The following KCNIP4 variants were observed in gnomAD, a reference collection of about 807,000 sequenced individuals.
The protein encoded by KCNIP4 is potassium voltage-gated channel interacting protein 4.
Under a neutral mutation model 34.0 loss-of-function variants are expected in KCNIP4, and 12 were observed. That is an observed-to-expected ratio of 0.35 (90% CI 0.23 to 0.57). KCNIP4 has a LOEUF of 0.57. Ranked by LOEUF, KCNIP4 falls within the 20% of genes least tolerant of loss-of-function variation. The pLI, the probability that KCNIP4 is intolerant of heterozygous loss-of-function variation, is 0.83. For missense variants in KCNIP4, 238 were observed against 311.7 expected, an observed-to-expected ratio of 0.76 and a Z score of 1.78; for synonymous variants, 124 against 102.2, an observed-to-expected ratio of 1.21 and a Z score of -1.29.
At chr4:21,086,121 A>T (rs1017423835) in intron 1 of KCNIP4, among the ~76,000 whole-genome samples, 1 of 152,118 alleles carries the variant, frequency 6.6e-6, no homozygotes, top group East Asian at 1.9e-4. Flanking sequence ...TCCCTGCATG[A>T]CCTCATGGAA....
intron 1 of KCNIP4, among the ~76,000 whole-genome samples, chr4:21,494,315 G>A (rs549540625): frequency 6.6e-6 from 1 of 151,778 alleles, no homozygotes; most frequent in Non-Finnish European, 1.5e-5. Flanking sequence ...GATTGACTTA[G>A]AAAATTTAAA....
chr4:21,780,255 A>G (rs1004570752), intron 1 of KCNIP4, among the ~76,000 whole-genome samples: 3 of 152,192 alleles, frequency 2.0e-5, no homozygotes, highest in Non-Finnish European at 4.4e-5. Context: ...AGGCAGTACA[A>G]CACCAGGAAG....
chr4:21,722,866 T>G (rs1023768678), intron 1 of KCNIP4, among the ~76,000 whole-genome samples: 2 of 152,282 alleles, frequency 1.3e-5, no homozygotes, highest in South Asian at 4.1e-4. Flanking sequence ...TTTTAACTAT[T>G]GCGACTATAT....
chr4:20,911,079 C>T (rs1728284302), intron 1 of KCNIP4, among the ~76,000 whole-genome samples: 1 of 152,166 alleles, frequency 6.6e-6, no homozygotes, highest in South Asian at 2.1e-4. Context: ...CATAATCAGA[C>T]AGATTATGAG....
At chr4:20,884,979 A>G (rs1472093) in intron 1 of KCNIP4, among the ~76,000 whole-genome samples, 96,915 of 151,872 alleles carry the variant, frequency 0.64, 31,833 homozygotes, top group African/African-American at 0.8. Context: ...AGGATTACAG[A>G]CGTGAGCTAC....
At chr4:21,496,222 T>C (rs1037570283) in intron 1 of KCNIP4, among the ~76,000 whole-genome samples, 4 of 152,088 alleles carry the variant, frequency 2.6e-5, no homozygotes, top group African/African-American at 4.8e-5. Context: ...CTACAGGTAA[T>C]TAGAGAAAGA....
chr4:21,713,029 A>C (rs1713867273), intron 1 of KCNIP4, among the ~76,000 whole-genome samples: 1 of 152,074 alleles, frequency 6.6e-6, no homozygotes, highest in Non-Finnish European at 1.5e-5. Flanking sequence ...ATGCTGACTC[A>C]GGCCATCTGT....
chr4:21,005,229 C>T (rs1043261988), intron 1 of KCNIP4, among the ~76,000 whole-genome samples: 2 of 152,158 alleles, frequency 1.3e-5, no homozygotes, highest in Non-Finnish European at 2.9e-5. Flanking sequence ...GGAAAGGCCA[C>T]GAGTTTCCCC....
At chr4:21,531,060 A>G (rs1736628864) in intron 1 of KCNIP4, among the ~76,000 whole-genome samples, 1 of 152,202 alleles carries the variant, frequency 6.6e-6, no homozygotes, top group African/African-American at 2.4e-5. Context: ...GGCTCAAGTC[A>G]AAACATTTCT....
At chr4:21,005,114 T>C (rs148743484) in intron 1 of KCNIP4, among the ~76,000 whole-genome samples, 279 of 152,308 alleles carry the variant, frequency 1.8e-3, no homozygotes, top group African/African-American at 6.4e-3. Flanking sequence ...TTAATGCTTA[T>C]ATGACAGGCC....
intron 1 of KCNIP4, among the ~76,000 whole-genome samples, chr4:21,455,320 A>C (rs6843022): frequency 0.12 from 17,697 of 152,054 alleles, 1,217 homozygotes; most frequent in Non-Finnish European, 0.16. Context: ...CCTAAAGGGC[A>C]TCTATTACAG....
intron 1 of KCNIP4, among the ~76,000 whole-genome samples, chr4:21,135,225 A>C (rs1560753075): frequency 6.6e-6 from 1 of 152,210 alleles, no homozygotes; most frequent in Non-Finnish European, 1.5e-5. Context: ...CTCTTCAATT[A>C]AGATGAGCAG....
chr4:20,948,087 G>C (rs945511299), intron 1 of KCNIP4, among the ~76,000 whole-genome samples: 1 of 152,182 alleles, frequency 6.6e-6, no homozygotes, highest in Non-Finnish European at 1.5e-5. Flanking sequence ...TGAAGAAGAA[G>C]AAAGATAACT....
At chr4:21,641,006 C>A (rs1746576654) in intron 1 of KCNIP4, among the ~76,000 whole-genome samples, 1 of 152,212 alleles carries the variant, frequency 6.6e-6, no homozygotes, top group Admixed American at 6.5e-5. Flanking sequence ...TACTACTGAG[C>A]TAAAAGCCTA....
At chr4:20,830,008 C>G (rs1408353011) in intron 3 of KCNIP4, among the ~76,000 whole-genome samples, 2 of 152,126 alleles carry the variant, frequency 1.3e-5, no homozygotes, top group African/African-American at 4.8e-5. Context: ...TCCTGATCTT[C>G]CTCTCTAAAT....
chr4:20,969,080 C>T (rs771774280), intron 1 of KCNIP4, among the ~76,000 whole-genome samples: 16 of 152,066 alleles, frequency 1.1e-4, no homozygotes, highest in Non-Finnish European at 2.2e-4. Flanking sequence ...AATTTTCCTC[C>T]TAAATACAGA....
chr4:21,583,449 C>T (rs1224021672), intron 1 of KCNIP4, among the ~76,000 whole-genome samples: 15 of 151,808 alleles, frequency 9.9e-5, no homozygotes, highest in African/African-American at 3.4e-4. Context: ...CAGGATCTGA[C>T]ATACAATAAG....
intron 1 of KCNIP4, among the ~76,000 whole-genome samples, chr4:21,859,585 G>A (rs1724949474): frequency 6.6e-6 from 1 of 150,860 alleles, no homozygotes. Flanking sequence ...CCGAGATCGC[G>A]CCACTGCACT....
chr4:21,861,890 C>A, intron 1 of KCNIP4, among the ~76,000 whole-genome samples: 1 of 152,212 alleles, frequency 6.6e-6, no homozygotes, highest in African/African-American at 2.4e-5. Flanking sequence ...CAGAGTAAAA[C>A]CCCATCTTAA....
Sources: gnomAD v4.1 joint callset for allele counts (sites outside exome capture counted in the v4.1 genomes callset) on GRCh38, gnomAD v4.1.1 for gene constraint, MANE v1.5 for transcripts, NCBI Gene and HGNC (gene_info 2026-07-23, HGNC 2026-07-21) for gene names.